STEAP3: variants seen among roughly 807,000 people sequenced by gnomAD.
The protein encoded by STEAP3 is metalloreductase STEAP3.
Under a neutral mutation model 34.9 loss-of-function variants are expected in STEAP3, and 35 were observed. That is an observed-to-expected ratio of 1.00 (90% CI 0.76 to 1.33). The LOEUF (loss-of-function observed/expected upper bound fraction) is 1.33, where lower values mean the gene tolerates loss of function less well. STEAP3 is among the 40% of genes most tolerant of loss of function. The pLI, the probability that STEAP3 is intolerant of heterozygous loss-of-function variation, is 0.00. For synonymous variants in STEAP3, 281 were observed against 301.6 expected (o/e 0.93, Z 0.71); for missense variants, 652 against 667.6 (o/e 0.98, Z 0.26).
At position 119,238,030 on chromosome 2, in the gene STEAP3, G is replaced by T. The variant is rs144974024; in HGVS notation, c.22+6996G>T. ...CTTTATGGCTGAATATTAATCCACC[G>T]GATGGATAGGCCACATTTTGTTTAA... is the stretch of plus-strand genomic sequence containing the variant. On this transcript the variant is annotated intron_variant, in intron 2 of 5. Coordinates refer to ENST00000393110, the MANE Select transcript of STEAP3 (RefSeq NM_182915.3). Among the ~76,000 whole-genome samples, 419 of 152,312 alleles carry T rather than the reference G, an allele frequency of 2.8e-3. 4 individuals carry two copies. The highest frequency in any genetic ancestry group is 9.4e-3 in the African/African-American group (392 of 41,568).
At chr2:119,248,264 T>TCC (rs67985074) in intron 4 of STEAP3, 58 bp downstream of exon 4, 123 of 1,321,110 alleles carry the variant, frequency 9.3e-5, no homozygotes, top group African/African-American at 8.8e-4. Context: ...GTCCAGCACC[T>TCC]CCCCCCCCCA....
At chr2:119,231,835 A>T (rs748809437) in intron 2 of STEAP3, among the ~76,000 whole-genome samples, 5 of 152,162 alleles carry the variant, frequency 3.3e-5, no homozygotes, top group Non-Finnish European at 5.9e-5. Context: ...CACAGAGAAA[A>T]ATAGAAATCT....
intron 2 of STEAP3, among the ~76,000 whole-genome samples, chr2:119,243,160 T>C (rs529751481): frequency 5.2e-4 from 79 of 152,292 alleles, no homozygotes; most frequent in African/African-American, 1.8e-3. Context: ...CCTGTTATCC[T>C]GTGACAGGCA....
At chr2:119,262,941 G>T in intron 5 of STEAP3, 116 bp from the exon 6 acceptor site, 2 of 1,390,816 alleles carry the variant, frequency 1.4e-6, no homozygotes, top group South Asian at 1.3e-5. Flanking sequence ...AACCCATAGC[G>T]GTGAGTACTA....
intron 3 of STEAP3, among the ~76,000 whole-genome samples, chr2:119,247,233 G>C (rs769615736): frequency 2.0e-5 from 3 of 152,178 alleles, no homozygotes; most frequent in Non-Finnish European, 4.4e-5. Flanking sequence ...ATCAAGGGGG[G>C]TGATTCTGAA....
intron 5 of STEAP3, among the ~76,000 whole-genome samples, chr2:119,259,623 C>T (rs959740605): frequency 6.6e-6 from 1 of 152,224 alleles, no homozygotes; most frequent in Non-Finnish European, 1.5e-5. Context: ...TGTCCCTGTG[C>T]AGAGCCCAGA....
chr2:119,227,810 G>GTATTTATTTATT (rs57135393), intron 1 of STEAP3, among the ~76,000 whole-genome samples: 31,727 of 145,130 alleles, frequency 0.22, 3,680 homozygotes, highest in Non-Finnish European at 0.26. Context: ...CCCATTTCTT[G>GTATTTATTTATT]TATTTATTTA....
chr2:119,238,648 G>A (rs770829243), intron 2 of STEAP3, among the ~76,000 whole-genome samples: 2 of 152,272 alleles, frequency 1.3e-5, no homozygotes, highest in East Asian at 1.9e-4. Flanking sequence ...GACCTGGGGG[G>A]CTTTAAGAGG....
intron 5 of STEAP3, among the ~76,000 whole-genome samples, chr2:119,260,290 A>C (rs1191850620): frequency 6.7e-6 from 1 of 149,208 alleles, no homozygotes; most frequent in Non-Finnish European, 1.5e-5. Context: ...AGGGTGATTG[A>C]CTTCAAGACT....
At chr2:119,224,388 C>G (rs1482827069) in intron 1 of STEAP3, among the ~76,000 whole-genome samples, 2 of 152,222 alleles carry the variant, frequency 1.3e-5, no homozygotes, top group Non-Finnish European at 2.9e-5. Context: ...CAGGGGCGCC[C>G]GACCTTGGTC....
At chr2:119,248,786 T>A (rs1677532390) in intron 4 of STEAP3, 1 of 152,364 alleles carries the variant, frequency 6.6e-6, no homozygotes, top group African/African-American at 2.4e-5. Context: ...AATAGGGAGC[T>A]GGTGAAGGTT....
chr2:119,232,345 T>C (rs1400146384), intron 2 of STEAP3, among the ~76,000 whole-genome samples: 3 of 152,146 alleles, frequency 2.0e-5, no homozygotes, highest in African/African-American at 7.2e-5. Context: ...TTCTGCAAAG[T>C]AGAAGGAATT....
intron 5 of STEAP3, among the ~76,000 whole-genome samples, chr2:119,255,092 A>G (rs775665614): frequency 6.6e-6 from 1 of 152,142 alleles, no homozygotes; most frequent in Non-Finnish European, 1.5e-5. Context: ...AAAATTACAG[A>G]CCAGGACACT....
Position 119,260,193 on chromosome 2 carries a change from C to T in STEAP3, c.1216-2864C>T, listed in dbSNP as rs114333247. On this transcript the variant is annotated intron_variant, in intron 5 of 5. Coordinates refer to ENST00000393110, the MANE Select transcript of STEAP3 (RefSeq NM_182915.3). Reference sequence around the variant, plus strand: ...TTGGGGATAAAGGGCATCACCCAGCCATCTTGGCAACACCAATAAGTCCAC... The same window carrying T: ...TTGGGGATAAAGGGCATCACCCAGCTATCTTGGCAACACCAATAAGTCCAC... Among the ~76,000 whole-genome samples the T allele has an allele frequency of 5.6e-3, 858 of 152,184 alleles. 7 individuals are homozygous for T. Among genetic ancestry groups the T allele is most frequent in the African/African-American group, 0.02 (810 of 41,520 alleles).
At chr2:119,228,865 G>C (rs958250554) in intron 1 of STEAP3, among the ~76,000 whole-genome samples, 1 of 152,106 alleles carries the variant, frequency 6.6e-6, no homozygotes, top group African/African-American at 2.4e-5. Flanking sequence ...GAGAACCCCA[G>C]GGGGCAGCTG....
rs148552483 is a variant in STEAP3 at position 119,226,888 on chromosome 2, A to T, written c.-394+3000A>T. Among the ~76,000 whole-genome samples the T allele has an allele frequency of 8.8e-3, 1,336 of 152,200 alleles. 24 individuals carry two copies. Among genetic ancestry groups the T allele is most frequent in the African/African-American group, 0.031 (1,267 of 41,522 alleles). ...GGTCGATAATGTTATTCTCCCAACCATGTGACTTTCCAACTCCATATGGAC... is the reference window on the plus strand; with the variant it reads ...GGTCGATAATGTTATTCTCCCAACCTTGTGACTTTCCAACTCCATATGGAC... On this transcript the variant is annotated intron_variant, in intron 1 of 5. Transcript: ENST00000393110.
chr2:119,259,833 A>C (rs1256636299), intron 5 of STEAP3, among the ~76,000 whole-genome samples: 2 of 152,228 alleles, frequency 1.3e-5, no homozygotes. Context: ...GGTGGGCGCC[A>C]AAAGGCTCTC....
At chr2:119,226,413 T>C (rs576453602) in intron 1 of STEAP3, among the ~76,000 whole-genome samples, 39 of 152,290 alleles carry the variant, frequency 2.6e-4, no homozygotes, top group African/African-American at 8.9e-4. Flanking sequence ...AAAATGAGGA[T>C]GTTTACCAGT....
chr2:119,242,974 G>A (rs1677293556), intron 2 of STEAP3, among the ~76,000 whole-genome samples: 1 of 152,132 alleles, frequency 6.6e-6, no homozygotes, highest in Non-Finnish European at 1.5e-5. Flanking sequence ...CACCACCCAG[G>A]AAACGCTCCC....
Sources: gnomAD v4.1 joint callset for allele counts (sites outside exome capture counted in the v4.1 genomes callset) on GRCh38, gnomAD v4.1.1 for gene constraint, MANE v1.5 for transcripts, NCBI Gene and HGNC (gene_info 2026-07-23, HGNC 2026-07-21) for gene names.